The following TYW1 variants were observed in gnomAD, a reference collection of about 807,000 sequenced individuals.
The protein encoded by TYW1 is S-adenosyl-L-methionine-dependent tRNA 4-demethylwyosine synthase TYW1.
TYW1 carries 46 observed loss-of-function variants against 96.2 expected under a neutral mutation model. The observed-to-expected ratio is 0.48, with a 90% CI of 0.38 to 0.61. TYW1 has a LOEUF of 0.61. Among genes scored for constraint, TYW1 ranks in the 20% least tolerant of loss-of-function variants. TYW1 has a pLI of 0.00. For missense variants in TYW1, 684 were observed against 909.6 expected (o/e 0.75, Z 3.19); for synonymous variants, 274 against 323.0 (o/e 0.85, Z 1.63).
At chr7:67,229,875 C>A (rs6979706) in intron 15 of TYW1, among the ~76,000 whole-genome samples, 1 of 152,002 alleles carries the variant, frequency 6.6e-6, no homozygotes, top group African/African-American at 2.4e-5. Context: ...ATCCTTGAGC[C>A]GAAGAAGTTG....
chr7:67,097,901 ATAT>A (rs1413428806), intron 11 of TYW1, among the ~76,000 whole-genome samples: 1 of 146,586 alleles, frequency 6.8e-6, no homozygotes, highest in Non-Finnish European at 1.5e-5. Context: ...AGGTCTCACT[ATAT>A]TGCCCAGGCT....
intron 12 of TYW1, among the ~76,000 whole-genome samples, chr7:67,103,457 A>C (rs1433196857): frequency 3.3e-5 from 5 of 152,224 alleles, no homozygotes; most frequent in African/African-American, 1.2e-4. Flanking sequence ...TAAAACCACA[A>C]GTTTCAAACA....
intron 8 of TYW1, among the ~76,000 whole-genome samples, chr7:67,051,174 C>T (rs1366964454): frequency 6.6e-6 from 1 of 152,152 alleles, no homozygotes; most frequent in Non-Finnish European, 1.5e-5. Context: ...CTGGCCTACA[C>T]CATACTACTT....
At chr7:67,155,002 C>T (rs1199282699) in intron 13 of TYW1, among the ~76,000 whole-genome samples, 1 of 151,962 alleles carries the variant, frequency 6.6e-6, no homozygotes, top group East Asian at 1.9e-4. Context: ...TCATTGAATT[C>T]TTCTGTTCCA....
intron 7 of TYW1, among the ~76,000 whole-genome samples, chr7:67,030,477 CAAA>C (rs1471505399): frequency 6.6e-6 from 1 of 152,036 alleles, no homozygotes; most frequent in Admixed American, 6.6e-5. Context: ...TAAAAAAATA[CAAA>C]AATTAGCTGG....
At chr7:67,120,890 A>G (rs1325786630) in intron 13 of TYW1, among the ~76,000 whole-genome samples, 3 of 152,340 alleles carry the variant, frequency 2.0e-5, no homozygotes, top group Non-Finnish European at 4.4e-5. Flanking sequence ...TCAACCCAGG[A>G]GCATCTTAAA....
chr7:67,121,055 AG>A (rs1433802166), intron 13 of TYW1, among the ~76,000 whole-genome samples: 2 of 152,198 alleles, frequency 1.3e-5, no homozygotes, highest in African/African-American at 2.4e-5. Context: ...GCCTTGTGAG[AG>A]AAGATCTGTG....
In TYW1 at chr7:67,035,462, C is replaced by T. The variant is rs568504899; in HGVS notation, c.984+10440C>T. The stretch of plus-strand genomic sequence containing the variant: ...CCTGAAATTAGACAAACTGCAAGGT[C>T]TGAGACCACAGTCTCCAAGACTGCT... On this transcript the variant is annotated intron_variant, in intron 7 of 15. Coordinates refer to ENST00000359626, the MANE Select transcript of TYW1 (RefSeq NM_018264.4). Among the ~76,000 whole-genome samples the T allele has an allele frequency of 3.9e-5, 6 of 152,196 alleles. No homozygotes were observed. In the South Asian group the frequency reaches 1.0e-3, roughly 26 times the overall value.
At chr7:67,003,086 A>G (rs937231970) in intron 3 of TYW1, among the ~76,000 whole-genome samples, 8 of 151,842 alleles carry the variant, frequency 5.3e-5, no homozygotes, top group African/African-American at 1.9e-4. Flanking sequence ...TTCTGTTTCT[A>G]ATCTTAACTG....
intron 13 of TYW1, among the ~76,000 whole-genome samples, chr7:67,125,824 T>G (rs1182994393): frequency 6.6e-6 from 1 of 152,238 alleles, no homozygotes; most frequent in Admixed American, 6.5e-5. Flanking sequence ...TCATACTGTA[T>G]GTAGCCTTTT....
intron 15 of TYW1, among the ~76,000 whole-genome samples, chr7:67,207,586 A>C (rs767537123): frequency 1.3e-5 from 2 of 151,870 alleles, no homozygotes; most frequent in Non-Finnish European, 2.9e-5. Context: ...TTATAGTAAA[A>C]TTGGCTAGCA....
intron 11 of TYW1, among the ~76,000 whole-genome samples, chr7:67,096,397 A>G (rs1796916714): frequency 6.6e-6 from 1 of 152,096 alleles, no homozygotes; most frequent in Admixed American, 6.6e-5. Flanking sequence ...AAAAACAAAC[A>G]AACAAACAAA....
rs577051899 is a variant in TYW1, at chr7:67,175,282, G to A, written c.1699-7844G>A. ...CACCTCCTGGGCTCAAGTGATTCTC[G>A]TGCCTCAGCCCCACGAGTAGCTGGG... On this transcript the variant is annotated intron_variant, in intron 13 of 15. Coordinates refer to ENST00000359626, the MANE Select transcript of TYW1 (RefSeq NM_018264.4). 1.3e-4 allele frequency among the ~76,000 whole-genome samples: 19 copies of A among 150,218 alleles called. 1 individual carries two copies. In the South Asian group the frequency reaches 1.7e-3, roughly 13 times the overall value.
chr7:67,206,068 C>T (rs2116376804), intron 15 of TYW1, among the ~76,000 whole-genome samples: 1 of 152,306 alleles, frequency 6.6e-6, no homozygotes, highest in South Asian at 2.1e-4. Flanking sequence ...GACATTATAC[C>T]ACTGTAGAGT....
chr7:67,035,884 A>G (rs556930479), intron 7 of TYW1, among the ~76,000 whole-genome samples: 11 of 151,572 alleles, frequency 7.3e-5, no homozygotes, highest in East Asian at 5.8e-4. Flanking sequence ...TCACCGTGTT[A>G]GCCAGGATGG....
intron 8 of TYW1, among the ~76,000 whole-genome samples, chr7:67,053,416 G>C (rs1393593853): frequency 7.6e-6 from 1 of 131,820 alleles, no homozygotes; most frequent in African/African-American, 2.9e-5. Context: ...TTTCACTCTT[G>C]TTGCCCAGTC....
At position 67,117,506 on chromosome 7, in the gene TYW1, T is replaced by C. The variant is rs760464903; in HGVS notation, c.1586T>C (p.Leu529Pro). The C allele has an allele frequency of 1.2e-6, 2 of 1,609,526 alleles. No individual in the cohort carries two copies. Among genetic ancestry groups the C allele is most frequent in the East Asian group, 4.5e-5 (2 of 44,876 alleles). Residue 529 changes from leucine (L) to proline (P), a missense_variant, in exon 13 of 16, where the codon CTG becomes CCG. By Grantham distance (98) the Leu-to-Pro change is moderately conservative. Coordinates refer to ENST00000359626, the MANE Select transcript of TYW1 (RefSeq NM_018264.4). ...EIRNLEPVTQ[L>P]YVSVDASTKD... ...AGGAACCTCGAGCCGGTTACTCAGC[T>C]GTATGTCAGTGTGGATGCCAGTACC...
chr7:67,081,235 T>A (rs1796384095), intron 10 of TYW1, among the ~76,000 whole-genome samples: 1 of 149,424 alleles, frequency 6.7e-6, no homozygotes, highest in Non-Finnish European at 1.5e-5. Context: ...TTTTTTTTTT[T>A]TTTTCCAGCC....
chr7:67,011,669 C>T (rs536911117), intron 4 of TYW1, among the ~76,000 whole-genome samples: 8 of 151,768 alleles, frequency 5.3e-5, no homozygotes, highest in South Asian at 4.2e-4. Flanking sequence ...GTCAGGAGTT[C>T]GAGACCAGCC....
Sources: allele counts gnomAD v4.1 joint callset (sites outside exome capture counted in the v4.1 genomes callset), GRCh38; gene constraint gnomAD v4.1.1; transcripts MANE v1.5; gene names NCBI Gene and HGNC (gene_info 2026-07-23, HGNC 2026-07-21).